The following RORA variants were observed in gnomAD, a reference collection of about 807,000 sequenced individuals.
The protein encoded by RORA is RAR related orphan receptor A, also known as nuclear receptor ROR-alpha.
A neutral mutation model predicts 69.5 loss-of-function variants in RORA; 7 were observed. That is an observed-to-expected ratio of 0.10 (90% CI 0.06 to 0.19). The LOEUF (loss-of-function observed/expected upper bound fraction) is 0.19. Ranked by LOEUF, RORA falls within the 10% of genes least tolerant of loss-of-function variation. RORA has a pLI of 1.00. For missense variants in RORA, 457 were observed against 663.0 expected, an observed-to-expected ratio of 0.69 and a Z score of 3.41; for synonymous variants, 261 against 240.8, an observed-to-expected ratio of 1.08 and a Z score of -0.78.
intron 1 of RORA, among the ~76,000 whole-genome samples, chr15:60,716,183 T>C (rs1286815085): frequency 6.6e-6 from 1 of 152,162 alleles, no homozygotes; most frequent in African/African-American, 2.4e-5. Flanking sequence ...GACTAAACTT[T>C]GAGTAGCAAG....
At chr15:60,805,138 C>A (rs1398331994) in intron 1 of RORA, among the ~76,000 whole-genome samples, 1 of 152,174 alleles carries the variant, frequency 6.6e-6, no homozygotes, top group African/African-American at 2.4e-5. Flanking sequence ...TTGTCCCAAG[C>A]TGCTCTCTCC....
intron 1 of RORA, among the ~76,000 whole-genome samples, chr15:61,050,806 T>C (rs1029094088): frequency 6.6e-6 from 1 of 152,218 alleles, no homozygotes; most frequent in African/African-American, 2.4e-5. Flanking sequence ...ATTCTTATCA[T>C]AATGAATAGG....
chr15:60,744,959 C>G (rs2071626821), intron 1 of RORA, among the ~76,000 whole-genome samples: 1 of 152,200 alleles, frequency 6.6e-6, no homozygotes, highest in South Asian at 2.1e-4. Context: ...CATGATGGGC[C>G]CAGGCCAGGA....
intron 1 of RORA, among the ~76,000 whole-genome samples, chr15:61,060,440 A>G (rs2078167302): frequency 6.6e-6 from 1 of 152,168 alleles, no homozygotes; most frequent in Admixed American, 6.5e-5. Context: ...GAGAGCAGGC[A>G]CTTGCCATGG....
At chr15:61,113,640 G>T (rs1378675816) in intron 1 of RORA, among the ~76,000 whole-genome samples, 1 of 152,176 alleles carries the variant, frequency 6.6e-6, no homozygotes, top group Non-Finnish European at 1.5e-5. Flanking sequence ...GTCTAGCTAG[G>T]AAGTTCCTGA....
In RORA at chr15:61,049,579, G is replaced by C. The variant is rs1347719941; in HGVS notation, c.166+179474C>G. On this transcript the variant is annotated intron_variant, in intron 1 of 10. Transcript: ENST00000335670. ...TCTGCAGGATGTTAACGCACTGATA[G>C]GCTATGGACAATATATTCCACACTT... is the stretch of plus-strand genomic sequence containing the variant. Among the ~76,000 whole-genome samples, 17 of 152,186 alleles carry C rather than the reference G, an allele frequency of 1.1e-4. 1 individual carries two copies.
At chr15:61,215,323 A>G (rs1471660538) in intron 1 of RORA, among the ~76,000 whole-genome samples, 1 of 152,146 alleles carries the variant, frequency 6.6e-6, no homozygotes, top group Non-Finnish European at 1.5e-5. Context: ...TGTGGAAAGA[A>G]AATTGTTTGA....
chr15:60,697,967 CAT>C lies in RORA; in HGVS notation c.167-19283_167-19282del, dbSNP rs551254911. On this transcript the variant is annotated intron_variant, in intron 1 of 10. Transcript: ENST00000335670. ...ACGAGGCTCCTGTGGGTATCCCACA[CAT>C]GTGTGTAAAATAAACGCCTACAAAG... Among the ~76,000 whole-genome samples the C allele has an allele frequency of 3.2e-3, 487 of 152,216 alleles. 1 individual carries two copies. The highest frequency in any genetic ancestry group is 4.6e-3 in the Admixed American group (71 of 15,282).
At chr15:60,818,586 T>G (rs776216615) in intron 1 of RORA, among the ~76,000 whole-genome samples, 14 of 152,182 alleles carry the variant, frequency 9.2e-5, no homozygotes, top group Non-Finnish European at 1.8e-4. Flanking sequence ...CTCTAGAGCC[T>G]TCAAAGGTCC....
intron 4 of RORA, chr15:60,512,001 T>C: frequency 4.9e-6 from 1 of 204,388 alleles, no homozygotes; most frequent in South Asian, 8.9e-5. Context: ...TCTCCCACGT[T>C]CAGACCAAGG....
chr15:60,787,707 A>C (rs2072357535), intron 1 of RORA, among the ~76,000 whole-genome samples: 1 of 152,162 alleles, frequency 6.6e-6, no homozygotes, highest in African/African-American at 2.4e-5. Flanking sequence ...TATAACCCAA[A>C]ATTTACAGCT....
chr15:60,716,901 A>C (rs568863085), intron 1 of RORA, among the ~76,000 whole-genome samples: 1 of 152,262 alleles, frequency 6.6e-6, no homozygotes, highest in African/African-American at 2.4e-5. Flanking sequence ...CCTCATCTGT[A>C]TCCTTTGCAA....
chr15:60,810,879 C>T (rs190657677), intron 1 of RORA, among the ~76,000 whole-genome samples: 86 of 152,238 alleles, frequency 5.6e-4, no homozygotes, highest in African/African-American at 2.0e-3. Flanking sequence ...TCTGGGTACA[C>T]GAAAGGGGTT....
At chr15:61,152,241 C>T (rs1202393203) in intron 1 of RORA, among the ~76,000 whole-genome samples, 1 of 152,066 alleles carries the variant, frequency 6.6e-6, no homozygotes, top group African/African-American at 2.4e-5. Context: ...TAAAGCTTCC[C>T]CAACTCCTAA....
chr15:60,937,632 C>G (rs981164708), intron 1 of RORA, among the ~76,000 whole-genome samples: 2 of 152,160 alleles, frequency 1.3e-5, no homozygotes, highest in Non-Finnish European at 2.9e-5. Context: ...CTTGGGTCTT[C>G]CCAGTAGTGT....
intron 2 of RORA, among the ~76,000 whole-genome samples, chr15:60,669,382 G>A (rs538105095): frequency 1.3e-5 from 2 of 148,590 alleles, no homozygotes; most frequent in South Asian, 2.2e-4. Flanking sequence ...TTTTTTTAAC[G>A]TAGTTGGTCA....
intron 1 of RORA, among the ~76,000 whole-genome samples, chr15:61,193,038 C>G (rs906526129): frequency 1.5e-4 from 21 of 144,136 alleles, no homozygotes; most frequent in African/African-American, 5.5e-4. Context: ...AACTCTAGCC[C>G]AACAATCAAC....
At chr15:61,209,942 T>C (rs1485570973) in intron 1 of RORA, among the ~76,000 whole-genome samples, 1 of 152,200 alleles carries the variant, frequency 6.6e-6, no homozygotes, top group Non-Finnish European at 1.5e-5. Flanking sequence ...AAAATTAAAA[T>C]AGAACTGCAT....
chr15:60,880,730 G>A (rs755542048), intron 1 of RORA, among the ~76,000 whole-genome samples: 1 of 152,140 alleles, frequency 6.6e-6, no homozygotes, highest in African/African-American at 2.4e-5. Flanking sequence ...CAAAGCCTCC[G>A]GAAAAGGAGA....
Sources: allele counts gnomAD v4.1 joint callset (sites outside exome capture counted in the v4.1 genomes callset), GRCh38; gene constraint gnomAD v4.1.1; transcripts MANE v1.5; gene names NCBI Gene and HGNC (gene_info 2026-07-23, HGNC 2026-07-21).